Variants in HIPK1 observed in about 807,000 individuals in gnomAD.
The protein encoded by HIPK1 is homeodomain-interacting protein kinase 1.
Under a neutral mutation model 117.1 loss-of-function variants are expected in HIPK1, and 28 were observed. The ratio of observed to expected loss-of-function variants is 0.24; its 90% confidence interval spans 0.18 to 0.33. The LOEUF (loss-of-function observed/expected upper bound fraction) is 0.33. HIPK1 is among the 10% of genes least tolerant of loss of function. HIPK1 has a pLI of 1.00. For synonymous variants in HIPK1, 605 were observed against 562.5 expected (o/e 1.08, Z -1.07); for missense variants, 1,122 against 1,475.1 (o/e 0.76, Z 3.92).
chr1:113,944,167 T>TTTG (rs1268374363), intron 2 of HIPK1, among the ~76,000 whole-genome samples: 3 of 124,972 alleles, frequency 2.4e-5, no homozygotes, highest in African/African-American at 6.7e-5. Context: ...GGGTTTTTTT[T>TTTG]TTTTTTTTTT....
intron 15 of HIPK1, 109 bp downstream of exon 15, chr1:113,972,063 G>A: frequency 6.2e-7 from 1 of 1,612,414 alleles, no homozygotes; most frequent in South Asian, 1.1e-5. Flanking sequence ...AGCCCCTTTT[G>A]TGTCAAACAA....
At chr1:113,969,266 G>A (rs1323397159) in intron 13 of HIPK1, among the ~76,000 whole-genome samples, 2 of 152,150 alleles carry the variant, frequency 1.3e-5, no homozygotes, top group Non-Finnish European at 2.9e-5. Flanking sequence ...AGGACCAATT[G>A]TAAGATGGTA....
intron 2 of HIPK1, 28 bp from the exon 3 acceptor site, chr1:113,952,738 T>G: frequency 7.1e-7 from 1 of 1,415,086 alleles, no homozygotes. Flanking sequence ...TTTTTTTTTT[T>G]TAATCTGATA....
At position 113,951,297 on chromosome 1, in the gene HIPK1, G is replaced by A. The variant is rs72998190; in HGVS notation, c.1077-1469G>A. On this transcript the variant is annotated intron_variant, in intron 2 of 15. Coordinates refer to ENST00000426820, the MANE Select transcript of HIPK1 (RefSeq NM_198268.3). Reference sequence around the variant, plus strand: ...AATATAAATTTACATAGATGAGTATGTACTTTTACTTATTGAGAAACAGTG... The same window carrying A: ...AATATAAATTTACATAGATGAGTATATACTTTTACTTATTGAGAAACAGTG... 207 of 981,382 alleles carry A rather than the reference G, an allele frequency of 2.1e-4. 1 individual carries two copies. The African/African-American group carries it at 3.4e-3, about 16-fold the overall frequency. The allele number at this position is 981,382 out of a possible 1,614,324, so 60.8% of individuals were successfully genotyped here. A position where few individuals can be genotyped will look rare whatever the true frequency, so the allele number is the denominator to read the frequency against.
intron 4 of HIPK1, 141 bp downstream of exon 4, chr1:113,954,911 A>C: frequency 1.3e-6 from 1 of 764,366 alleles, no homozygotes; most frequent in Non-Finnish European, 2.1e-6. Flanking sequence ...ATTTCTTTGT[A>C]CCTGTTTGGC....
chr1:113,957,224 C>A lies in HIPK1; in HGVS notation c.1693C>A (p.Pro565Thr), dbSNP rs1671783657. Residue 565 changes from proline (P) to threonine (T), a missense_variant, in exon 7 of 16, where the codon CCA becomes ACA. By Grantham distance (38) the Pro-to-Thr change is conservative. Coordinates refer to ENST00000426820, the MANE Select transcript of HIPK1 (RefSeq NM_198268.3). ...GAGTCCCTTCACTACACATGTTGCC[C>A]CAAATACAAGCACAAATCTAACCAT... Reference protein sequence around the residue: ...IKSPFTTHVAPNTSTNLTMSF... With the variant: ...IKSPFTTHVATNTSTNLTMSF... 6.2e-7 allele frequency: 1 copy of A among 1,613,762 alleles called. No homozygotes were observed. Among genetic ancestry groups the A allele is most frequent in the African/African-American group, 1.3e-5 (1 of 74,998 alleles).
rs1371325455 is a variant in HIPK1 at position 113,971,871 on chromosome 1, T to G, written c.3061T>G (p.Ser1021Ala). The change falls in exon 15 of 16, where the codon TCA becomes GCA. Residue 1021 changes from serine to alanine, a missense_variant. Ser to Ala is a moderately conservative substitution (Grantham distance 99). Around this residue, in one of 6 missense-constraint regions of HIPK1, gnomAD observed 731 missense variants for 860.4 expected, o/e 0.85. Transcript: ENST00000426820. ...TKPVASVSGQ[S>A]SGCCITPTGY... ...GCCAGTCGCTTCAGTGAGTGGGCAG[T>G]CATCTGGATGCTGTATCACCCCCAC... The G allele has an allele frequency of 6.9e-6, 11 of 1,600,496 alleles. No homozygotes were observed. Among genetic ancestry groups the G allele is most frequent in the Non-Finnish European group, 9.4e-6 (11 of 1,175,690 alleles).
At chr1:113,956,434 T>C (rs113044011) in intron 5 of HIPK1, among the ~76,000 whole-genome samples, 193 bp from the exon 6 acceptor site, 13 of 152,284 alleles carry the variant, frequency 8.5e-5, no homozygotes, top group African/African-American at 2.9e-4. Context: ...TCAATTTAGA[T>C]GAAGATTTTA....
chr1:113,940,839 G>T lies in HIPK1; in HGVS notation c.456G>T (p.Val152=). 6.2e-7 allele frequency: 1 copy of T among 1,614,118 alleles called. No individual in the cohort carries two copies. The highest frequency in any genetic ancestry group is 8.5e-7 in the Non-Finnish European group (1 of 1,180,026). Residue 152 remains valine, a synonymous_variant, in exon 2 of 16, where the codon GTG becomes GTT. Coordinates refer to ENST00000426820, the MANE Select transcript of HIPK1 (RefSeq NM_198268.3). Reference sequence around the variant, plus strand: ...CTCTCATGCTGCAAAACAGGACTGTGGTGGGTGCTGCTGCCACAACCACCA... The same window carrying T: ...CTCTCATGCTGCAAAACAGGACTGTTGTGGGTGCTGCTGCCACAACCACCA... The part of the protein sequence containing the change: ...HPPLMLQNRT[V]VGAAATTTTV...
intron 1 of HIPK1, among the ~76,000 whole-genome samples, chr1:113,934,329 A>G (rs1670110443): frequency 6.6e-6 from 1 of 152,212 alleles, no homozygotes; most frequent in African/African-American, 2.4e-5. Context: ...GGGTTATAAT[A>G]TTTGGATCCT....
At chr1:113,949,656 T>C (rs1422229983) in intron 2 of HIPK1, among the ~76,000 whole-genome samples, 1 of 150,584 alleles carries the variant, frequency 6.6e-6, no homozygotes, top group Admixed American at 6.6e-5. Context: ...TGGAGTGCAG[T>C]GGCACTGTGT....
rs189620627 is a variant in HIPK1, at chr1:113,929,479, A to C, written c.-56A>C. Reference sequence around the variant, plus strand: ...CTCGAGGCCCACCGACTCCTACTGCAATCAGTACTATGCGATCGTCCTAGA... The same window carrying C: ...CTCGAGGCCCACCGACTCCTACTGCCATCAGTACTATGCGATCGTCCTAGA... On this transcript the variant is annotated 5_prime_UTR_variant, in exon 1 of 16. Coordinates refer to ENST00000426820, the MANE Select transcript of HIPK1 (RefSeq NM_198268.3). 4.7e-6 allele frequency: 6 copies of C among 1,289,418 alleles called. No individual in the cohort carries two copies. The highest frequency in any genetic ancestry group is 1.1e-4 in the East Asian group (2 of 18,070). 79.9% of individuals were successfully genotyped at this position (1,289,418 alleles called of 1,614,324 possible).
chr1:113,932,576 G>A (rs1257346668), intron 1 of HIPK1, among the ~76,000 whole-genome samples: 1 of 151,880 alleles, frequency 6.6e-6, no homozygotes, highest in Non-Finnish European at 1.5e-5. Flanking sequence ...ATAGGGTTTT[G>A]CCATGTTGGC....
At position 113,969,972 on chromosome 1, in the gene HIPK1, A is replaced by G. The variant is rs1197464394; in HGVS notation, c.2788A>G (p.Arg930Gly). The G allele has an allele frequency of 1.2e-6, 2 of 1,614,136 alleles. No homozygotes were observed. Among genetic ancestry groups the G allele is most frequent in the Admixed American group, 1.7e-5 (1 of 60,024 alleles). ...TTTCCTCAGCTCTGGACTGAAGCCA[A>G]GGTCTAATGTCATCAGTTATGTCAC... ...YKPSSSGLKPRSNVISYVTVN... is the reference protein window; with the variant it reads ...YKPSSSGLKPGSNVISYVTVN... The change falls in exon 14 of 16, where the codon AGG becomes GGG. Residue 930 changes from arginine (R) to glycine (G), a missense_variant. Transcript: ENST00000426820.
chr1:113,939,077 A>G (rs752709170), intron 1 of HIPK1, among the ~76,000 whole-genome samples: 1 of 152,084 alleles, frequency 6.6e-6, no homozygotes, highest in Non-Finnish European at 1.5e-5. Context: ...CATGTATTAA[A>G]TTATTTAATT....
Position 113,967,838 on chromosome 1 carries a change from A to G in HIPK1, c.2454A>G (p.Thr818=), listed in dbSNP as rs1483993400. 6.2e-7 allele frequency: 1 copy of G among 1,612,540 alleles called. No individual in the cohort carries two copies. ...CATCCTTGCTGACTAACCATGTGAC[A>G]TTGGCCACTGCTCAGCCTCTGAATG... ...QQPSLLTNHV[T]LATAQPLNVG... Residue 818 remains threonine (T), a synonymous_variant, in exon 12 of 16, where the codon ACA becomes ACG. Coordinates refer to ENST00000426820, the MANE Select transcript of HIPK1 (RefSeq NM_198268.3).
Position 113,966,119 on chromosome 1 carries a change from T to C in HIPK1, c.2239-11T>C. The C allele has an allele frequency of 6.2e-7, 1 of 1,610,378 alleles. No homozygotes were observed. Among genetic ancestry groups the C allele is most frequent in the Non-Finnish European group, 8.5e-7 (1 of 1,178,760 alleles). On this transcript the variant is annotated splice_polypyrimidine_tract_variant and intron_variant, in intron 10 of 15. Coordinates refer to ENST00000426820, the MANE Select transcript of HIPK1 (RefSeq NM_198268.3). ...CAAGTCTGGATGTTTTTTATGTGTG[T>C]TTCCTTACAGCAGGCGTGGCCTGGA...
chr1:113,972,667 G>T (rs1309942143), intron 15 of HIPK1, among the ~76,000 whole-genome samples: 1 of 152,178 alleles, frequency 6.6e-6, no homozygotes, highest in African/African-American at 2.4e-5. Context: ...ACAAAAGAAA[G>T]CAATGGTAAG....
intron 12 of HIPK1, 27 bp from the exon 13 acceptor site, chr1:113,968,415 A>G: frequency 1.3e-6 from 2 of 1,544,944 alleles, no homozygotes; most frequent in Non-Finnish European, 1.8e-6. Flanking sequence ...GGACTGAATC[A>G]TCTTTCCATG....
Sources: allele counts gnomAD v4.1 joint callset (sites outside exome capture counted in the v4.1 genomes callset), GRCh38; gene constraint gnomAD v4.1.1; regional missense constraint gnomAD v4.1.1; transcripts MANE v1.5; gene names NCBI Gene and HGNC (gene_info 2026-07-23, HGNC 2026-07-21).